LGSN: variants seen among roughly 807,000 people sequenced by gnomAD.
The protein encoded by LGSN is lengsin, lens protein with glutamine synthetase domain.
A neutral mutation model predicts 19.5 loss-of-function variants in LGSN; 21 were observed. That is an observed-to-expected ratio of 1.07 (90% confidence interval 0.76 to 1.55). LGSN has a LOEUF of 1.55. Among genes scored for constraint, LGSN ranks in the 40% most tolerant of loss-of-function variants. LGSN has a pLI of 0.00. For missense variants in LGSN, 673 were observed against 608.5 expected (o/e 1.11, Z -1.12); for synonymous variants, 257 against 215.6 (o/e 1.19, Z -1.68).
At chr6:63,326,719 G>A in the LGSN span, among the ~76,000 whole-genome samples, 2 of 152,190 alleles carry the variant, frequency 1.3e-5, no homozygotes, top group Non-Finnish European at 2.9e-5. Context: ...CATTGCCCAG[G>A]GCCAGCAGCG....
the LGSN span, among the ~76,000 whole-genome samples, chr6:63,332,425 G>A: frequency 6.6e-6 from 1 of 152,122 alleles, no homozygotes; most frequent in Non-Finnish European, 1.5e-5. Flanking sequence ...GCCTTTGAGA[G>A]TTCCGCTCAT....
chr6:63,441,276 C>T, the LGSN span: 1 of 403,102 alleles, frequency 2.5e-6, no homozygotes, highest in Non-Finnish European at 5.0e-6. Flanking sequence ...GAAGCTAGAC[C>T]TTAGAAAGAA....
the LGSN span, among the ~76,000 whole-genome samples, chr6:63,456,346 A>AATATATAT: frequency 3.9e-3 from 393 of 100,440 alleles, 62 homozygotes; most frequent in Non-Finnish European, 4.4e-3. Context: ...ACTTGGCAGA[A>AATATATAT]ATATACATAT....
the LGSN span, among the ~76,000 whole-genome samples, chr6:63,559,781 A>G: frequency 7.2e-5 from 11 of 152,100 alleles, no homozygotes; most frequent in East Asian, 1.7e-3. Context: ...ACAGCCAGGC[A>G]TGGTCGTTCA....
intron 1 of LGSN, among the ~76,000 whole-genome samples, chr6:63,313,017 A>G (rs1768691386): frequency 6.6e-6 from 1 of 152,198 alleles, no homozygotes; most frequent in African/African-American, 2.4e-5. Flanking sequence ...CAAAATGTAA[A>G]AGACAAAATG....
the LGSN span, among the ~76,000 whole-genome samples, chr6:63,559,692 C>T: frequency 6.6e-6 from 1 of 151,962 alleles, no homozygotes; most frequent in East Asian, 1.9e-4. Flanking sequence ...TTGCAGTGAG[C>T]CAAGATCGCG....
Position 63,281,040 on chromosome 6 carries a change from C to A in LGSN, c.511G>T (p.Asp171Tyr). ...GGCTCACCAGTCACAGTGAAGGTATCACATATCACTCTTGCAGTTCTGTCA... is the reference window on the plus strand; with the variant it reads ...GGCTCACCAGTCACAGTGAAGGTATAACATATCACTCTTGCAGTTCTGTCA... ...WADRTARVIC[D>Y]TFTVTGEPLL... Residue 171 changes from aspartate to tyrosine, a missense_variant, in exon 4 of 4, where the codon GAT becomes TAT. By Grantham distance (160) the Asp-to-Tyr change is radical. Transcript: ENST00000370657. The A allele has an allele frequency of 6.2e-7, 1 of 1,613,938 alleles. No homozygotes were observed.
At chr6:63,307,893 G>C (rs1164012087) in intron 1 of LGSN, among the ~76,000 whole-genome samples, 1 of 152,150 alleles carries the variant, frequency 6.6e-6, no homozygotes, top group Non-Finnish European at 1.5e-5. Context: ...AATCATGAAG[G>C]CATATCAAGC....
intron 1 of LGSN, among the ~76,000 whole-genome samples, chr6:63,304,155 G>A (rs1455856307): frequency 6.6e-6 from 1 of 152,140 alleles, no homozygotes; most frequent in East Asian, 1.9e-4. Context: ...GTGTAGGCTA[G>A]GAATTTTAAT....
intron 1 of LGSN, among the ~76,000 whole-genome samples, chr6:63,304,730 G>A (rs1373641754): frequency 1.3e-5 from 2 of 152,162 alleles, no homozygotes; most frequent in Non-Finnish European, 2.9e-5. Flanking sequence ...CATTCTGACA[G>A]TCACAATAGT....
chr6:63,364,557 A>T, the LGSN span, among the ~76,000 whole-genome samples: 1 of 152,232 alleles, frequency 6.6e-6, no homozygotes, highest in Non-Finnish European at 1.5e-5. Flanking sequence ...GATATCCAGG[A>T]ATTGAACTCA....
the LGSN span, among the ~76,000 whole-genome samples, chr6:63,394,690 G>T: frequency 6.6e-6 from 1 of 152,134 alleles, no homozygotes; most frequent in Non-Finnish European, 1.5e-5. Flanking sequence ...GATTTACCTC[G>T]AATTCTTTTT....
the LGSN span, among the ~76,000 whole-genome samples, chr6:63,351,403 G>A: frequency 6.6e-6 from 1 of 150,754 alleles, no homozygotes; most frequent in African/African-American, 2.5e-5. Context: ...GTGTCTGTGT[G>A]TGTCTGTGTG....
chr6:63,552,514 A>G, the LGSN span, among the ~76,000 whole-genome samples: 12 of 152,036 alleles, frequency 7.9e-5, no homozygotes, highest in Admixed American at 1.3e-4. Context: ...AGTTTCTTTT[A>G]CTGTGCAGAA....
At chr6:63,563,002 T>G in the LGSN span, among the ~76,000 whole-genome samples, 1 of 152,222 alleles carries the variant, frequency 6.6e-6, no homozygotes, top group African/African-American at 2.4e-5. Context: ...TGTGGCATTT[T>G]GTGATGTAAA....
the LGSN span, among the ~76,000 whole-genome samples, chr6:63,496,751 C>G: frequency 6.6e-6 from 1 of 151,696 alleles, no homozygotes; most frequent in Non-Finnish European, 1.5e-5. Context: ...CCATGCCCAG[C>G]CTACTCTTTA....
At chr6:63,492,531 G>A in the LGSN span, among the ~76,000 whole-genome samples, 1 of 152,198 alleles carries the variant, frequency 6.6e-6, no homozygotes, top group Admixed American at 6.5e-5. Context: ...TTCTGACTGG[G>A]TTCATGCATA....
chr6:63,412,779 GGGAA>G, the LGSN span, among the ~76,000 whole-genome samples: 9 of 115,746 alleles, frequency 7.8e-5, no homozygotes, highest in African/African-American at 2.1e-4. Flanking sequence ...AAGGAAGGAA[GGGAA>G]GGAAGGAAAG....
the LGSN span, among the ~76,000 whole-genome samples, chr6:63,405,214 A>G: frequency 1.3e-5 from 2 of 151,920 alleles, no homozygotes; most frequent in African/African-American, 4.8e-5. Flanking sequence ...ATTGTTGGAC[A>G]TTTGGGTTGG....
Sources: allele counts gnomAD v4.1 joint callset (sites outside exome capture counted in the v4.1 genomes callset), GRCh38; gene constraint gnomAD v4.1.1; transcripts MANE v1.5; gene names NCBI Gene and HGNC (gene_info 2026-07-23, HGNC 2026-07-21).